Variants in UTRN observed in about 807,000 individuals in gnomAD.
UTRN encodes the protein dystrophin-related protein 1.
A neutral mutation model predicts 463.9 loss-of-function variants in UTRN; 283 were observed. The observed-to-expected ratio is 0.61, with a 90% CI of 0.55 to 0.67. The LOEUF (loss-of-function observed/expected upper bound fraction) is 0.67, where lower values mean the gene tolerates loss of function less well. UTRN is among the 30% of genes least tolerant of loss of function. UTRN has a pLI of 0.00. For synonymous variants in UTRN, 1,442 were observed against 1,431.5 expected (o/e 1.01, Z -0.17); for missense variants, 3,922 against 4,084.3 (o/e 0.96, Z 1.08).
At chr6:144,522,933 T>C in intron 40 of UTRN, 83 bp from the exon 41 acceptor site, 2 of 1,089,266 alleles carry the variant, frequency 1.8e-6, no homozygotes, top group Non-Finnish European at 1.3e-6. Context: ...ATGAGTGTTC[T>C]ACAATATAAA....
intron 74 of UTRN, among the ~76,000 whole-genome samples, chr6:144,847,164 T>TAA (rs57490995): frequency 1.2e-4 from 18 of 149,960 alleles, no homozygotes; most frequent in South Asian, 1.0e-3. Flanking sequence ...AACATTGACC[T>TAA]AAAAAAAAAA....
At chr6:144,572,594 G>A (rs1801048472) in intron 50 of UTRN, among the ~76,000 whole-genome samples, 1 of 151,786 alleles carries the variant, frequency 6.6e-6, no homozygotes, top group Admixed American at 6.6e-5. Context: ...TTCCCTCCCT[G>A]TGTCCATGTG....
rs35525101 is a variant in UTRN at position 144,768,948 on chromosome 6, G to GTTT, written c.8496-2957_8496-2955dup. Among the ~76,000 whole-genome samples, 284 of 126,046 alleles carry GTTT rather than the reference G, an allele frequency of 2.3e-3. 10 individuals carry two copies. The East Asian group carries it at 0.052, about 23-fold the overall frequency. The allele number at this position is 126,046 out of a possible 152,430, so 82.7% of individuals were successfully genotyped here. A position where few individuals can be genotyped will look rare whatever the true frequency, so the allele number is the denominator to read the frequency against. On this transcript the variant is annotated intron_variant, in intron 58 of 74. Transcript: ENST00000367545. ...ACTGTTAATTGCTACTTTGTTTTTT[G>GTTT]TTTTGTTTTGTTTTTTTTTTTTTAA...
At position 144,548,753 on chromosome 6, in the gene UTRN, G is replaced by C. The variant is rs1406482925; in HGVS notation, c.6709G>C (p.Glu2237Gln). ...IPADLDKTIT[E>Q]LADWLVLIDQ... ...TGCTGATCTTGATAAAACTATAACAGAACTAGCCGACTGGCTGGTATTAAT... is the reference window on the plus strand; with the variant it reads ...TGCTGATCTTGATAAAACTATAACACAACTAGCCGACTGGCTGGTATTAAT... The change falls in exon 47 of 75, where the codon GAA becomes CAA. Residue 2237 changes from glutamate to glutamine, a missense_variant. By Grantham distance (29) the Glu-to-Gln change is conservative. Around this residue, in one of 3 missense-constraint regions of UTRN, gnomAD observed 2,349 missense variants for 2,303.8 expected, o/e 1.02. Coordinates refer to ENST00000367545, the MANE Select transcript of UTRN (RefSeq NM_007124.3). 2.5e-6 allele frequency: 4 copies of C among 1,613,974 alleles called. No homozygotes were observed. Among genetic ancestry groups the C allele is most frequent in the Non-Finnish European group, 3.4e-6 (4 of 1,179,954 alleles).
intron 51 of UTRN, among the ~76,000 whole-genome samples, chr6:144,607,951 G>A (rs1393221619): frequency 1.3e-5 from 2 of 152,112 alleles, no homozygotes; most frequent in East Asian, 3.9e-4. Context: ...AAGCAGGCTG[G>A]TCAATCACTC....
intron 51 of UTRN, among the ~76,000 whole-genome samples, chr6:144,669,464 A>T (rs1222070105): frequency 6.6e-6 from 1 of 152,204 alleles, no homozygotes; most frequent in Admixed American, 6.5e-5. Flanking sequence ...TGTTGTTAAA[A>T]ATATTATATC....
At chr6:144,760,201 T>C (rs1297332336) in intron 58 of UTRN, among the ~76,000 whole-genome samples, 1 of 152,118 alleles carries the variant, frequency 6.6e-6, no homozygotes, top group Non-Finnish European at 1.5e-5. Context: ...TTTGGAAGGA[T>C]CTGGTAGGAT....
chr6:144,717,627 CTTTTTTCTTTTTTT>C lies in UTRN; in HGVS notation c.7810-12723_7810-12710del, dbSNP rs1179900946. Among the ~76,000 whole-genome samples, 6 of 112,682 alleles carry C rather than the reference CTTTTTTCTTTTTTT, an allele frequency of 5.3e-5. 1 individual carries two copies. Among genetic ancestry groups the C allele is most frequent in the Admixed American group, 4.0e-4 (4 of 10,094 alleles). The allele number at this position is 112,682 out of a possible 152,430, so 73.9% of individuals were successfully genotyped here. ...ATTTTTTTCTTTTTCTTTTTCTTTT[CTTTTTTCTTTTTTT>C]TTTTTTTTTTTTGAGACAGAGTCTC... On this transcript the variant is annotated intron_variant, in intron 53 of 74. Transcript: ENST00000367545.
chr6:144,832,419 A>T (rs1331128147), intron 69 of UTRN, among the ~76,000 whole-genome samples: 1 of 152,244 alleles, frequency 6.6e-6, no homozygotes, highest in Admixed American at 6.5e-5. Flanking sequence ...GCTTCCCCAG[A>T]GAAGTGAATC....
At chr6:144,666,862 C>T (rs1431005485) in intron 51 of UTRN, among the ~76,000 whole-genome samples, 3 of 152,146 alleles carry the variant, frequency 2.0e-5, no homozygotes, top group Non-Finnish European at 2.9e-5. Flanking sequence ...CATTCCCATT[C>T]GTCGTGGTAG....
intron 9 of UTRN, among the ~76,000 whole-genome samples, chr6:144,433,670 G>A (rs1303714096): frequency 7.2e-5 from 11 of 151,908 alleles, no homozygotes; most frequent in South Asian, 2.1e-4. Flanking sequence ...AGACGGGGTC[G>A]CGGCCGGGCA....
chr6:144,311,008 A>C (rs1190277780), intron 2 of UTRN, among the ~76,000 whole-genome samples: 1 of 152,242 alleles, frequency 6.6e-6, no homozygotes, highest in African/African-American at 2.4e-5. Context: ...GTGGTTGCCA[A>C]CTGCCTTTCC....
At chr6:144,443,877 T>C (rs1363522156) in intron 13 of UTRN, among the ~76,000 whole-genome samples, 3 of 152,172 alleles carry the variant, frequency 2.0e-5, no homozygotes, top group Non-Finnish European at 2.9e-5. Flanking sequence ...AGTTAAGGAA[T>C]ATAACAGACA....
Position 144,528,870 on chromosome 6 carries a change from A to G in UTRN, c.5907-2182A>G, listed in dbSNP as rs77216285. 3.7e-3 allele frequency among the ~76,000 whole-genome samples: 556 copies of G among 152,320 alleles called. 6 individuals carry two copies. Among genetic ancestry groups the G allele is most frequent in the African/African-American group, 0.012 (489 of 41,560 alleles). ...AGGCAGGGCCATAGAGCTCCTAAGA[A>G]ATTATCTTCTTTGTCTTTGGCTACT... On this transcript the variant is annotated intron_variant, in intron 41 of 74. Transcript: ENST00000367545.
rs570934832 is a variant in UTRN, at chr6:144,438,681, A to G, written c.1242-64A>G. The G allele has an allele frequency of 3.1e-6, 5 of 1,591,886 alleles. No individual in the cohort carries two copies. The Admixed American group carries it at 8.5e-5, about 27-fold the overall frequency. ...TTGCCCTGTATCTCCGGTGCCCAGA[A>G]TGTATATTTGACTTTGCAAAGGGAA... On this transcript the variant is annotated intron_variant, in intron 11 of 74. Transcript: ENST00000367545.
intron 3 of UTRN, among the ~76,000 whole-genome samples, chr6:144,411,686 G>A (rs775050557): frequency 5.3e-5 from 8 of 152,098 alleles, no homozygotes; most frequent in Non-Finnish European, 8.8e-5. Flanking sequence ...TTACTGATTC[G>A]GAGTGTTCTC....
rs924937982 is a variant in UTRN, at chr6:144,287,955, C to A, written c.-93+2134C>A. Among the ~76,000 whole-genome samples, 3 of 152,194 alleles carry A rather than the reference C, an allele frequency of 2.0e-5. No homozygotes were observed. The South Asian group carries it at 6.2e-4, about 31-fold the overall frequency. ...GCCTTCTGTGAAGATGGTGTTCCCT[C>A]CATTTTATAGGTGTGGAAGACGGAG... On this transcript the variant is annotated intron_variant, in intron 1 of 74. Transcript: ENST00000367545.
chr6:144,803,154 A>T lies in UTRN; in HGVS notation c.9357+7A>T. 1.3e-6 allele frequency: 2 copies of T among 1,489,612 alleles called. No homozygotes were observed. The highest frequency in any genetic ancestry group is 1.8e-6 in the Non-Finnish European group (2 of 1,117,802). 92.3% of individuals were successfully genotyped at this position (1,489,612 alleles called of 1,614,324 possible). On this transcript the variant is annotated splice_region_variant and intron_variant, in intron 65 of 74. Transcript: ENST00000367545. ...GGTGGAATATTGTATACCTGTGAGT[A>T]CTAACCCACTGTTTTGTTTTTAATA...
chr6:144,487,293 A>G (rs1792559760), intron 28 of UTRN, among the ~76,000 whole-genome samples: 1 of 152,100 alleles, frequency 6.6e-6, no homozygotes, highest in Non-Finnish European at 1.5e-5. Flanking sequence ...ACCCTCCCAT[A>G]ATTAATAATA....
Sources: gnomAD v4.1 joint callset for allele counts (sites outside exome capture counted in the v4.1 genomes callset) on GRCh38, gnomAD v4.1.1 for gene constraint, gnomAD v4.1.1 regional missense constraint, MANE v1.5 for transcripts, NCBI Gene and HGNC (gene_info 2026-07-23, HGNC 2026-07-21) for gene names.